Variants in B4GALNT2 observed in about 807,000 individuals in gnomAD.
B4GALNT2 encodes the protein beta-1,4-N-acetyl-galactosaminyltransferase 2 (SID blood group), also known as N-acetylneuraminylgalactosylglucosyl-glucoside beta-1,4-N- acetylgalactosaminyltransferase 2.
B4GALNT2 carries 42 observed loss-of-function variants against 51.1 expected under a neutral mutation model. The observed-to-expected ratio is 0.82, with a 90% CI of 0.64 to 1.06. B4GALNT2 has a LOEUF of 1.06. B4GALNT2 is among the 50% of genes least tolerant of loss of function. The probability of loss-of-function intolerance (pLI) is 0.00; values close to 1 mark genes in which losing one functional copy is unlikely to be tolerated. For missense variants in B4GALNT2, 602 were observed against 633.6 expected, an observed-to-expected ratio of 0.95 and a Z score of 0.54; for synonymous variants, 253 against 251.7, an observed-to-expected ratio of 1.01 and a Z score of -0.05.
chr17:49,134,026 C>T (rs1156426607), intron 1 of B4GALNT2, among the ~76,000 whole-genome samples: 1 of 152,176 alleles, frequency 6.6e-6, no homozygotes, highest in Non-Finnish European at 1.5e-5. Context: ...CCATCCACGT[C>T]CTTGGCTAAG....
intron 3 of B4GALNT2, among the ~76,000 whole-genome samples, chr17:49,150,388 C>T (rs2144304757): frequency 6.6e-6 from 1 of 152,218 alleles, no homozygotes; most frequent in East Asian, 1.9e-4. Context: ...AGTGAGGAGC[C>T]CCTCTGCCTG....
chr17:49,143,341 G>C (rs2042663782), intron 3 of B4GALNT2, among the ~76,000 whole-genome samples: 1 of 152,100 alleles, frequency 6.6e-6, no homozygotes, highest in Non-Finnish European at 1.5e-5. Context: ...ACTTGATTCT[G>C]CCTGGCTTGT....
chr17:49,143,893 A>G (rs1486434422), intron 3 of B4GALNT2, among the ~76,000 whole-genome samples: 1 of 152,122 alleles, frequency 6.6e-6, no homozygotes, highest in Non-Finnish European at 1.5e-5. Context: ...CACGCCTGTA[A>G]TTTCAGCACT....
At chr17:49,133,835 C>T (rs1010706630) in intron 1 of B4GALNT2, among the ~76,000 whole-genome samples, 4 of 152,106 alleles carry the variant, frequency 2.6e-5, no homozygotes, top group African/African-American at 9.7e-5. Flanking sequence ...ATGACTTGAA[C>T]CTGGAAGCAG....
rs1205610501 is a variant in B4GALNT2 at position 49,170,317 on chromosome 17, C to T, written c.*589C>T. 6.5e-6 allele frequency: 1 copy of T among 152,674 alleles called. No homozygotes were observed. Among genetic ancestry groups the T allele is most frequent in the East Asian group, 1.9e-4 (1 of 5,204 alleles). 9.5% of individuals were successfully genotyped at this position (152,674 alleles called of 1,614,324 possible). A position where few individuals can be genotyped will look rare whatever the true frequency, so the allele number is the denominator to read the frequency against. ...AGGTCCCAGGTGGTGGAGGAAGACT[C>T]CGTGGAGTGAACTTGTTAGGAGCCT... On this transcript the variant is annotated 3_prime_UTR_variant, in exon 11 of 11. Coordinates refer to ENST00000393354, the MANE Select transcript of B4GALNT2 (RefSeq NM_001159387.2).
Position 49,172,338 on chromosome 17 carries a change from C to T in B4GALNT2, c.*2610C>T, listed in dbSNP as rs1242565773. The T allele has an allele frequency of 6.1e-6, 1 of 162,680 alleles. No homozygotes were observed. The highest frequency in any genetic ancestry group is 2.4e-5 in the African/African-American group (1 of 41,682). The allele number at this position is 162,680 out of a possible 1,614,324, so 10.1% of individuals were successfully genotyped here. On this transcript the variant is annotated 3_prime_UTR_variant, in exon 11 of 11. Coordinates refer to ENST00000393354, the MANE Select transcript of B4GALNT2 (RefSeq NM_001159387.2). ...CACCCAAATTGGCTATTGATTCGGTCCTGGAGAAACACAAGCATAACCTCT... is the reference window on the plus strand; with the variant it reads ...CACCCAAATTGGCTATTGATTCGGTTCTGGAGAAACACAAGCATAACCTCT...
In B4GALNT2 at chr17:49,176,291, G is replaced by C. The variant is rs2042987782; in HGVS notation, c.*6563G>C. On this transcript the variant is annotated 3_prime_UTR_variant, in exon 11 of 11. Coordinates refer to ENST00000393354, the MANE Select transcript of B4GALNT2 (RefSeq NM_001159387.2). ...CACAGAAATATAGAGTGTGGAGTGGGAAATCAGGGGACTCACAGCCTTCAG... is the reference window on the plus strand; with the variant it reads ...CACAGAAATATAGAGTGTGGAGTGGCAAATCAGGGGACTCACAGCCTTCAG... 6.6e-6 allele frequency: 1 copy of C among 152,220 alleles called. No individual in the cohort carries two copies. The highest frequency in any genetic ancestry group is 6.5e-5 in the Admixed American group (1 of 15,284). The allele number at this position is 152,220 out of a possible 1,614,324, so 9.4% of individuals were successfully genotyped here. A position where few individuals can be genotyped will look rare whatever the true frequency, so the allele number is the denominator to read the frequency against.
intron 3 of B4GALNT2, chr17:49,148,259 C>T (rs1014912432): frequency 2.2e-5 from 6 of 275,174 alleles, no homozygotes; most frequent in Admixed American, 1.4e-4. Flanking sequence ...AAGATCGTGC[C>T]GCTGCACTCC....
chr17:49,143,139 C>T (rs2042660534), intron 3 of B4GALNT2, among the ~76,000 whole-genome samples: 1 of 152,094 alleles, frequency 6.6e-6, no homozygotes, highest in Non-Finnish European at 1.5e-5. Context: ...ATCCCAGCTA[C>T]TTGGGAGGCT....
At chr17:49,148,335 A>G (rs1317188173) in intron 3 of B4GALNT2, 3 of 360,888 alleles carry the variant, frequency 8.3e-6, no homozygotes, top group Middle Eastern at 9.2e-4. Context: ...AGTCCTCTCC[A>G]ATTTTACTGA....
At chr17:49,131,057 C>A (rs1411738185), upstream of B4GALNT2, among the ~76,000 whole-genome samples, 2 of 152,160 alleles carry the variant, frequency 1.3e-5, no homozygotes, top group South Asian at 2.1e-4. Flanking sequence ...CCATTACTGG[C>A]CACATAAGCT....
rs1389851268 is a variant in B4GALNT2, at chr17:49,176,247, G to C, written c.*6519G>C. The stretch of plus-strand genomic sequence containing the variant: ...TGGAGACCCTAACCCAGCGGCGCTA[G>C]AGGAATTAAAGACACACACACAGAA... On this transcript the variant is annotated 3_prime_UTR_variant, in exon 11 of 11. Transcript: ENST00000393354. The C allele has an allele frequency of 6.6e-6, 1 of 152,236 alleles. No homozygotes were observed. The highest frequency in any genetic ancestry group is 1.5e-5 in the Non-Finnish European group (1 of 68,050). The allele number at this position is 152,236 out of a possible 1,614,324, so 9.4% of individuals were successfully genotyped here.
rs1278138199 is a variant in B4GALNT2 at position 49,159,213 on chromosome 17, CAT to C, written c.677_678del (p.Ile226SerfsTer70). Reference protein sequence around the residue: ...STGYQHQKVDIVSLESRSSVA... With the variant: ...STGYQHQKVDXVSLESRSSVA... ...CGGGGTACCAGCACCAGAAGGTAGA[CAT>C]AGGTGAGAGCCTGTCCTTGGAGTGC... On this transcript the variant is annotated frameshift_variant and splice_region_variant, in exon 6 of 11. Coordinates refer to ENST00000393354, the MANE Select transcript of B4GALNT2 (RefSeq NM_001159387.2). LOFTEE classifies it high-confidence loss of function. The C allele has an allele frequency of 6.2e-7, 1 of 1,613,958 alleles. No homozygotes were observed. The highest frequency in any genetic ancestry group is 8.5e-7 in the Non-Finnish European group (1 of 1,179,922).
In B4GALNT2 at chr17:49,168,243, G is replaced by A. The variant is rs78875677; in HGVS notation, c.1096-438G>A. Among the ~76,000 whole-genome samples the A allele has an allele frequency of 5.7e-3, 869 of 152,286 alleles. 8 individuals carry two copies. Among genetic ancestry groups the A allele is most frequent in the Non-Finnish European group, 9.4e-3 (637 of 68,026 alleles). On this transcript the variant is annotated intron_variant, in intron 9 of 10. Coordinates refer to ENST00000393354, the MANE Select transcript of B4GALNT2 (RefSeq NM_001159387.2). The stretch of plus-strand genomic sequence containing the variant: ...ATGGATAGGCAGCTCCAAGAGGTAA[G>A]CCAGGAGCAGAAAATACTAGGAAGA...
chr17:49,150,621 A>G (rs2042743970), intron 3 of B4GALNT2, among the ~76,000 whole-genome samples: 1 of 151,018 alleles, frequency 6.6e-6, no homozygotes, highest in South Asian at 2.1e-4. Flanking sequence ...CTGTGACCTT[A>G]CCCCCAACCC....
rs2042880337 is a variant in B4GALNT2 at position 49,163,197 on chromosome 17, G to A, written c.767-891G>A. Among the ~76,000 whole-genome samples the A allele has an allele frequency of 2.6e-5, 4 of 152,108 alleles. No individual in the cohort carries two copies. The South Asian group carries it at 6.2e-4, about 24-fold the overall frequency. ...TGGCATCACGGGGTCTTTTCCTTAG[G>A]AAAGCTGTCCCCTCTCCAGTCTCTT... On this transcript the variant is annotated intron_variant, in intron 7 of 10. Coordinates refer to ENST00000393354, the MANE Select transcript of B4GALNT2 (RefSeq NM_001159387.2).
At chr17:49,132,995 C>T in intron 1 of B4GALNT2, 189 bp downstream of exon 1, 1 of 1,448,044 alleles carries the variant, frequency 6.9e-7, no homozygotes, top group Non-Finnish European at 9.1e-7. Context: ...GAGGTGACGG[C>T]GCGTGCGGAA....
At chr17:49,150,473 A>G (rs1333822813) in intron 3 of B4GALNT2, among the ~76,000 whole-genome samples, 1 of 152,148 alleles carries the variant, frequency 6.6e-6, no homozygotes, top group Non-Finnish European at 1.5e-5. Flanking sequence ...GGTTTTGTGG[A>G]ATAGAAAGCG....
chr17:49,152,369 C>A (rs767070588), intron 3 of B4GALNT2, among the ~76,000 whole-genome samples: 1 of 152,008 alleles, frequency 6.6e-6, no homozygotes, highest in Non-Finnish European at 1.5e-5. Flanking sequence ...CAAAGTGAAA[C>A]CCTGTCTCAA....
Sources: gnomAD v4.1 joint callset for allele counts (sites outside exome capture counted in the v4.1 genomes callset) on GRCh38, gnomAD v4.1.1 for gene constraint, MANE v1.5 for transcripts, NCBI Gene and HGNC (gene_info 2026-07-23, HGNC 2026-07-21) for gene names.